The following RTKN2 variants were observed in gnomAD, a reference collection of about 807,000 sequenced individuals.
The protein encoded by RTKN2 is rhotekin-2.
In RTKN2, 69 loss-of-function variants were observed where a neutral mutation model predicts 71.5. That is an observed-to-expected ratio of 0.96 (90% confidence interval 0.79 to 1.18). RTKN2 has a LOEUF of 1.18. Among genes scored for constraint, RTKN2 ranks in the 50% most tolerant of loss-of-function variants. The probability of loss-of-function intolerance (pLI) is 0.00; values close to 1 mark genes in which losing one functional copy is unlikely to be tolerated. For synonymous variants in RTKN2, 236 were observed against 236.5 expected (o/e 1.00, Z 0.02); for missense variants, 724 against 719.7 (o/e 1.01, Z -0.07).
chr10:62,221,818 G>T (rs1564510630), intron 7 of RTKN2, among the ~76,000 whole-genome samples: 1 of 151,864 alleles, frequency 6.6e-6, no homozygotes, highest in Non-Finnish European at 1.5e-5. Context: ...AAACAGAGAT[G>T]GTACAGAAAG....
chr10:62,232,188 C>T (rs1842162605), intron 6 of RTKN2, among the ~76,000 whole-genome samples: 1 of 151,956 alleles, frequency 6.6e-6, no homozygotes, highest in South Asian at 2.1e-4. Context: ...AAATTCTGAA[C>T]AGGAAAACAG....
At chr10:62,223,928 G>C (rs992467539) in intron 6 of RTKN2, among the ~76,000 whole-genome samples, 2 of 151,254 alleles carry the variant, frequency 1.3e-5, no homozygotes, top group Non-Finnish European at 2.9e-5. Flanking sequence ...GTCTATCCAG[G>C]GATGAAGGAA....
chr10:62,192,457 C>G (rs1283740749), downstream of RTKN2, among the ~76,000 whole-genome samples: 1 of 152,038 alleles, frequency 6.6e-6, no homozygotes, highest in Non-Finnish European at 1.5e-5. Context: ...GGCTCTTTAC[C>G]CATGAAGACG....
intron 9 of RTKN2, among the ~76,000 whole-genome samples, chr10:62,213,016 G>C (rs1054099754): frequency 6.6e-6 from 1 of 152,076 alleles, no homozygotes; most frequent in African/African-American, 2.4e-5. Context: ...AAGATACCAA[G>C]TATTTATCCT....
intron 3 of RTKN2, 110 bp downstream of exon 3, chr10:62,245,889 G>C (rs1391214630): frequency 1.5e-6 from 1 of 668,292 alleles, no homozygotes; most frequent in East Asian, 2.6e-5. Flanking sequence ...TTCTGATAGA[G>C]GTATGAAAAA....
chr10:62,257,411 G>C (rs1842695483), intron 2 of RTKN2, among the ~76,000 whole-genome samples: 1 of 152,152 alleles, frequency 6.6e-6, no homozygotes, highest in South Asian at 2.1e-4. Flanking sequence ...CCTTACCATG[G>C]ACATAAAGGA....
chr10:62,241,265 C>G, intron 3 of RTKN2, 70 bp from the exon 4 acceptor site: 1 of 823,082 alleles, frequency 1.2e-6, no homozygotes, highest in Non-Finnish European at 2.0e-6. Flanking sequence ...GTGACCTGAA[C>G]CTCTGCATTC....
chr10:62,211,964 G>A (rs557554607), intron 9 of RTKN2, among the ~76,000 whole-genome samples: 4 of 152,086 alleles, frequency 2.6e-5, no homozygotes, highest in Admixed American at 6.6e-5. Context: ...GCACCCAGCC[G>A]AGGAACACTA....
chr10:62,230,197 G>A (rs1481372293), intron 6 of RTKN2, among the ~76,000 whole-genome samples: 2 of 152,008 alleles, frequency 1.3e-5, no homozygotes, highest in Non-Finnish European at 2.9e-5. Flanking sequence ...TTGAGACGGA[G>A]TCTCTCTCTT....
intron 1 of RTKN2, among the ~76,000 whole-genome samples, chr10:62,267,248 G>A (rs1433307893): frequency 6.6e-6 from 1 of 152,038 alleles, no homozygotes; most frequent in Non-Finnish European, 1.5e-5. Context: ...AATAACCCAG[G>A]CTTTATGTAT....
At chr10:62,268,418 C>G (rs895237016) in intron 1 of RTKN2, 133 bp downstream of exon 1, 1 of 874,892 alleles carries the variant, frequency 1.1e-6, no homozygotes, top group African/African-American at 1.7e-5. Flanking sequence ...CCTAATCCCT[C>G]CCTTTGTTTC....
chr10:62,221,990 A>G (rs572745919), intron 7 of RTKN2, among the ~76,000 whole-genome samples: 2 of 152,376 alleles, frequency 1.3e-5, no homozygotes, highest in Admixed American at 6.5e-5. Flanking sequence ...CCCAAGAAAT[A>G]GAAAAGCTGA....
At chr10:62,190,605 T>G (rs1841206373), downstream of RTKN2, among the ~76,000 whole-genome samples, 1 of 152,086 alleles carries the variant, frequency 6.6e-6, no homozygotes, top group South Asian at 2.1e-4. Context: ...GCCATCCCAG[T>G]TGTTAACTAG....
At chr10:62,189,990 A>C (rs1841195313), downstream of RTKN2, among the ~76,000 whole-genome samples, 1 of 152,060 alleles carries the variant, frequency 6.6e-6, no homozygotes, top group South Asian at 2.1e-4. Context: ...ATGTCTCTGG[A>C]TAGAATTTAT....
intron 10 of RTKN2, among the ~76,000 whole-genome samples, chr10:62,203,224 C>T (rs1051512821): frequency 2.0e-5 from 3 of 152,018 alleles, no homozygotes; most frequent in Admixed American, 2.0e-4. Context: ...ATAAGATAGT[C>T]ATTTATAAGA....
At chr10:62,202,680 T>C (rs1026738375) in intron 10 of RTKN2, among the ~76,000 whole-genome samples, 1 of 152,244 alleles carries the variant, frequency 6.6e-6, no homozygotes, top group African/African-American at 2.4e-5. Flanking sequence ...TTCCTTATTA[T>C]GTTGACAGTA....
At chr10:62,242,645 T>C (rs1382029666) in intron 3 of RTKN2, among the ~76,000 whole-genome samples, 3 of 152,046 alleles carry the variant, frequency 2.0e-5, no homozygotes. Context: ...AGACAGCGTC[T>C]TGCTCTACCA....
Position 62,259,581 on chromosome 10 carries a change from TCA to T in RTKN2, c.257+3042_257+3043del, listed in dbSNP as rs367591976. Among the ~76,000 whole-genome samples the T allele has an allele frequency of 3.6e-3, 543 of 152,314 alleles. 2 individuals are homozygous for T. The highest frequency in any genetic ancestry group is 0.011 in the African/African-American group (460 of 41,584). ...TGCTATTTCTTTTTGAGACAGAATC[TCA>T]CTCTTTTGCGCTGGCTGGAGTGCTG... On this transcript the variant is annotated intron_variant, in intron 2 of 11. Coordinates refer to ENST00000373789, the MANE Select transcript of RTKN2 (RefSeq NM_145307.4).
chr10:62,193,808 C>T lies in RTKN2; in HGVS notation c.*4100G>A. ...GTCAATGGATTTTTAAAAGAGTATACTTTAAGAAGGATTATATGTAAACAT... is the reference window on the plus strand; with the variant it reads ...GTCAATGGATTTTTAAAAGAGTATATTTTAAGAAGGATTATATGTAAACAT... On this transcript the variant is annotated 3_prime_UTR_variant, in exon 12 of 12. Transcript: ENST00000373789. The T allele has an allele frequency of 1.0e-6, 1 of 979,326 alleles. No homozygotes were observed. Among genetic ancestry groups the T allele is most frequent in the Non-Finnish European group, 1.2e-6 (1 of 824,512 alleles). The allele number at this position is 979,326 out of a possible 1,614,324, so 60.7% of individuals were successfully genotyped here. A position where few individuals can be genotyped will look rare whatever the true frequency, so the allele number is the denominator to read the frequency against.
Sources: allele counts gnomAD v4.1 joint callset (sites outside exome capture counted in the v4.1 genomes callset), GRCh38; gene constraint gnomAD v4.1.1; transcripts MANE v1.5; gene names NCBI Gene and HGNC (gene_info 2026-07-23, HGNC 2026-07-21).